STAG1: variants seen among roughly 807,000 people sequenced by gnomAD.
The protein encoded by STAG1 is cohesin subunit SA-1.
Under a neutral mutation model 170.9 loss-of-function variants are expected in STAG1, and 26 were observed. That is an observed-to-expected ratio of 0.15 (90% confidence interval 0.11 to 0.21). The LOEUF is 0.21. Ranked by LOEUF, STAG1 falls within the 10% of genes least tolerant of loss-of-function variation. STAG1 has a pLI of 1.00. For synonymous variants in STAG1, 514 were observed against 497.7 expected, an observed-to-expected ratio of 1.03 and a Z score of -0.44; for missense variants, 964 against 1,509.5, an observed-to-expected ratio of 0.64 and a Z score of 5.99.
chr3:136,539,424 G>A (rs960254609), intron 6 of STAG1, among the ~76,000 whole-genome samples: 16 of 152,114 alleles, frequency 1.1e-4, no homozygotes, highest in African/African-American at 3.6e-4. Context: ...CAAAAATCAC[G>A]CAATTTATCA....
chr3:136,592,830 T>C (rs959257927), intron 4 of STAG1, among the ~76,000 whole-genome samples: 2 of 152,182 alleles, frequency 1.3e-5, no homozygotes, highest in African/African-American at 4.8e-5. Context: ...CCTCTCAAAA[T>C]AGGCAGGGCA....
intron 13 of STAG1, among the ~76,000 whole-genome samples, chr3:136,452,673 ATATAAAAT>A (rs2088979579): frequency 6.6e-6 from 1 of 152,206 alleles, no homozygotes; most frequent in Admixed American, 6.5e-5. Context: ...GTTAAACTAG[ATATAAAAT>A]GTAAAGGGAA....
intron 1 of STAG1, among the ~76,000 whole-genome samples, chr3:136,671,720 A>G (rs1178347394): frequency 6.6e-6 from 1 of 152,044 alleles, no homozygotes; most frequent in Non-Finnish European, 1.5e-5. Context: ...GTGAAACCCC[A>G]TTTCTACAAA....
intron 1 of STAG1, among the ~76,000 whole-genome samples, chr3:136,714,992 T>A (rs1334297019): frequency 1.8e-5 from 2 of 110,842 alleles, no homozygotes; most frequent in African/African-American, 5.9e-5. Flanking sequence ...ATATATATAT[T>A]TTATATATAT....
intron 2 of STAG1, among the ~76,000 whole-genome samples, chr3:136,625,219 C>G (rs1217740785): frequency 1.3e-5 from 2 of 152,204 alleles, no homozygotes; most frequent in African/African-American, 4.8e-5. Context: ...TACTATTTCT[C>G]AATCTCCTTC....
At chr3:136,660,414 C>G (rs568604882) in intron 1 of STAG1, among the ~76,000 whole-genome samples, 1 of 151,974 alleles carries the variant, frequency 6.6e-6, no homozygotes, top group Admixed American at 6.6e-5. Flanking sequence ...AAACTATATT[C>G]AAACAATTAA....
At chr3:136,379,087 GGA>G (rs1937788292) in intron 22 of STAG1, among the ~76,000 whole-genome samples, 1 of 152,156 alleles carries the variant, frequency 6.6e-6, no homozygotes, top group African/African-American at 2.4e-5. Flanking sequence ...TTCATCTTGT[GGA>G]GAGAAGTAAA....
chr3:136,739,998 TCA>T (rs1934576098), intron 1 of STAG1, among the ~76,000 whole-genome samples: 2 of 152,214 alleles, frequency 1.3e-5, no homozygotes, highest in South Asian at 2.1e-4. Flanking sequence ...TGTAAAGATT[TCA>T]CACAGATTCC....
At chr3:136,610,142 T>A (rs1939193734) in intron 3 of STAG1, among the ~76,000 whole-genome samples, 2 of 152,136 alleles carry the variant, frequency 1.3e-5, no homozygotes, top group African/African-American at 4.8e-5. Context: ...GTTCAAGTGA[T>A]TCTCCTGCCT....
At chr3:136,583,651 TG>T (rs553865468) in intron 4 of STAG1, among the ~76,000 whole-genome samples, 176 of 152,160 alleles carry the variant, frequency 1.2e-3, no homozygotes, top group Non-Finnish European at 1.8e-3. Flanking sequence ...TAGCCAGGTG[TG>T]GTGGTGCACA....
chr3:136,389,558 C>T lies in STAG1; in HGVS notation c.2277+9191G>A, dbSNP rs533916538. 5.3e-5 allele frequency among the ~76,000 whole-genome samples: 8 copies of T among 152,058 alleles called. No individual in the cohort carries two copies. The South Asian group carries it at 1.2e-3, about 24-fold the overall frequency. ...TTTCTGAGATGGATTCTTGCTTTGT[C>T]GCCCAGGCTGGAGTGCAGTGGTGCC... On this transcript the variant is annotated intron_variant, in intron 22 of 33. Transcript: ENST00000383202.
At chr3:136,515,057 T>A (rs2107893245) in intron 7 of STAG1, among the ~76,000 whole-genome samples, 1 of 151,806 alleles carries the variant, frequency 6.6e-6, no homozygotes, top group South Asian at 2.1e-4. Flanking sequence ...ACTTAAAGTA[T>A]AATTAAAAAA....
chr3:136,379,486 A>C (rs1406417037), intron 22 of STAG1, among the ~76,000 whole-genome samples: 1 of 152,218 alleles, frequency 6.6e-6, no homozygotes, highest in African/African-American at 2.4e-5. Flanking sequence ...AGACGGCCAG[A>C]TCACCTGAGG....
chr3:136,743,046 G>T (rs77730841), intron 1 of STAG1, among the ~76,000 whole-genome samples: 1 of 152,048 alleles, frequency 6.6e-6, no homozygotes, highest in Non-Finnish European at 1.5e-5. Flanking sequence ...AAAAATAACC[G>T]ATAAATCACT....
chr3:136,477,477 T>C, intron 9 of STAG1, 65 bp from the exon 10 acceptor site: 1 of 1,402,684 alleles, frequency 7.1e-7, no homozygotes, highest in South Asian at 1.6e-5. Flanking sequence ...TCATACTCGC[T>C]TTCCATAAGC....
chr3:136,558,069 A>G (rs1318562481), intron 5 of STAG1, among the ~76,000 whole-genome samples: 1 of 152,200 alleles, frequency 6.6e-6, no homozygotes, highest in African/African-American at 2.4e-5. Context: ...TGCAATATAC[A>G]TAACAAAGGA....
At chr3:136,455,637 G>A (rs536812889) in intron 13 of STAG1, among the ~76,000 whole-genome samples, 7 of 152,160 alleles carry the variant, frequency 4.6e-5, no homozygotes, top group Admixed American at 2.0e-4. Flanking sequence ...GCAGCCACTC[G>A]GCACATTGGC....
At chr3:136,541,512 G>C (rs917641372) in intron 6 of STAG1, among the ~76,000 whole-genome samples, 4 of 125,746 alleles carry the variant, frequency 3.2e-5, no homozygotes, top group Non-Finnish European at 7.5e-5. Context: ...CTTTCAAGTA[G>C]AGTATCCCAA....
chr3:136,477,408 C>G lies in STAG1; in HGVS notation c.907G>C (p.Ala303Pro). The change falls in exon 10 of 34, where the codon GCT becomes CCT. Residue 303 changes from alanine (A) to proline (P), a missense_variant. By Grantham distance (27) the Ala-to-Pro change is conservative. This residue lies in a region of STAG1 where 57 missense variants were observed against 157.6 expected (regional missense o/e 0.36). Transcript: ENST00000383202. ...KGIFVHRYRD[A>P]IAEIRAICIE... The stretch of plus-strand genomic sequence containing the variant: ...CAAATGGCTCTAATCTCAGCAATAG[C>G]ATCACTAGAGAGAGAAAAAAAAGAC... The G allele has an allele frequency of 6.2e-7, 1 of 1,608,084 alleles. No homozygotes were observed. The highest frequency in any genetic ancestry group is 8.5e-7 in the Non-Finnish European group (1 of 1,178,098).
Sources: allele counts gnomAD v4.1 joint callset (sites outside exome capture counted in the v4.1 genomes callset), GRCh38; gene constraint gnomAD v4.1.1; regional missense constraint gnomAD v4.1.1; transcripts MANE v1.5; gene names NCBI Gene and HGNC (gene_info 2026-07-23, HGNC 2026-07-21).